ZKSCAN5: variants seen among roughly 807,000 people sequenced by gnomAD.
ZKSCAN5 encodes the protein zinc finger with KRAB and SCAN domains 5.
A neutral mutation model predicts 60.0 loss-of-function variants in ZKSCAN5; 28 were observed. That is an observed-to-expected ratio of 0.47 (90% CI 0.35 to 0.64). ZKSCAN5 has a LOEUF of 0.64. Among genes scored for constraint, ZKSCAN5 ranks in the 30% least tolerant of loss-of-function variants. ZKSCAN5 has a pLI of 0.01. For missense variants in ZKSCAN5, 881 were observed against 1,034.6 expected (o/e 0.85, Z 2.04); for synonymous variants, 361 against 371.2 (o/e 0.97, Z 0.31).
At chr7:99,528,851 C>T (rs1449980036) in intron 6 of ZKSCAN5, among the ~76,000 whole-genome samples, 2 of 152,170 alleles carry the variant, frequency 1.3e-5, no homozygotes, top group Non-Finnish European at 1.5e-5. Flanking sequence ...AGTCCATGCT[C>T]TCATGCAGCC....
chr7:99,529,746 T>G (rs1008885260), intron 6 of ZKSCAN5, among the ~76,000 whole-genome samples: 4 of 151,940 alleles, frequency 2.6e-5, no homozygotes, highest in African/African-American at 9.7e-5. Context: ...GACTTCTTTG[T>G]TTTTTTTGAG....
At chr7:99,521,784 A>G (rs950178768) in intron 5 of ZKSCAN5, among the ~76,000 whole-genome samples, 1 of 152,058 alleles carries the variant, frequency 6.6e-6, no homozygotes, top group African/African-American at 2.4e-5. Flanking sequence ...GATTAAATCA[A>G]TAATTTTATG....
intron 3 of ZKSCAN5, among the ~76,000 whole-genome samples, chr7:99,512,971 T>TC (rs1221287342): frequency 2.7e-5 from 2 of 75,104 alleles, no homozygotes; most frequent in African/African-American, 5.4e-5. Flanking sequence ...ATGCTATCCC[T>TC]CCCCCCTCCC....
rs553666815 is a variant in ZKSCAN5 at position 99,533,937 on chromosome 7, C to T, written c.*1688C>T. Reference sequence around the variant, plus strand: ...AGAGTGGATTGTGGAGTTGGTCACTCGCCAGGAGGGAGTGAAGACCCGCAT... The same window carrying T: ...AGAGTGGATTGTGGAGTTGGTCACTTGCCAGGAGGGAGTGAAGACCCGCAT... On this transcript the variant is annotated 3_prime_UTR_variant, in exon 7 of 7. Coordinates refer to ENST00000326775, the MANE Select transcript of ZKSCAN5 (RefSeq NM_145102.4). 3.8e-5 allele frequency: 10 copies of T among 261,406 alleles called. No homozygotes were observed. Among genetic ancestry groups the T allele is most frequent in the South Asian group, 3.5e-4 (2 of 5,792 alleles). The allele number at this position is 261,406 out of a possible 1,614,324, so 16.2% of individuals were successfully genotyped here.
intron 3 of ZKSCAN5, among the ~76,000 whole-genome samples, chr7:99,514,655 C>G (rs1801184604): frequency 6.6e-6 from 1 of 152,104 alleles, no homozygotes; most frequent in Non-Finnish European, 1.5e-5. Context: ...GCCTGTAATC[C>G]CAGCACTTTG....
At chr7:99,510,496 G>T (rs1329231838) in intron 2 of ZKSCAN5, among the ~76,000 whole-genome samples, 1 of 151,940 alleles carries the variant, frequency 6.6e-6, no homozygotes, top group Non-Finnish European at 1.5e-5. Flanking sequence ...CTAGGCTGGA[G>T]TGCAATGGCA....
At chr7:99,514,517 A>G (rs1225759695) in intron 3 of ZKSCAN5, among the ~76,000 whole-genome samples, 1 of 152,192 alleles carries the variant, frequency 6.6e-6, no homozygotes, top group Non-Finnish European at 1.5e-5. Context: ...CATGCCTGTA[A>G]TTCCAGCATT....
chr7:99,519,585 C>T (rs1044926608), intron 3 of ZKSCAN5, among the ~76,000 whole-genome samples: 2 of 152,060 alleles, frequency 1.3e-5, no homozygotes, highest in African/African-American at 2.4e-5. Context: ...TCACAGAATG[C>T]ATCCTTTATA....
intron 5 of ZKSCAN5, among the ~76,000 whole-genome samples, chr7:99,525,497 G>A (rs753908228): frequency 8.6e-5 from 13 of 150,768 alleles, no homozygotes; most frequent in South Asian, 8.4e-4. Context: ...ACGCGCGCGC[G>A]CACACACACA....
Position 99,533,818 on chromosome 7 carries a change from A to T in ZKSCAN5, c.*1569A>T, listed in dbSNP as rs1802154981. 2 of 393,598 alleles carry T rather than the reference A, an allele frequency of 5.1e-6. No individual in the cohort carries two copies. Among genetic ancestry groups the T allele is most frequent in the Admixed American group, 8.9e-5 (2 of 22,596 alleles). The allele number at this position is 393,598 out of a possible 1,614,324, so 24.4% of individuals were successfully genotyped here. A position where few individuals can be genotyped will look rare whatever the true frequency, so the allele number is the denominator to read the frequency against. The stretch of plus-strand genomic sequence containing the variant: ...CGTTTCCCAAATAAATCACACTGTC[A>T]ATCACATGGTTCTGAATCCCTGTCT... On this transcript the variant is annotated 3_prime_UTR_variant, in exon 7 of 7. Coordinates refer to ENST00000326775, the MANE Select transcript of ZKSCAN5 (RefSeq NM_145102.4).
At chr7:99,527,703 A>G (rs191304901) in intron 6 of ZKSCAN5, among the ~76,000 whole-genome samples, 9 of 151,286 alleles carry the variant, frequency 5.9e-5, no homozygotes, top group Admixed American at 5.9e-4. Flanking sequence ...TCTTTTTTTG[A>G]GACGGAGTTT....
intron 6 of ZKSCAN5, among the ~76,000 whole-genome samples, chr7:99,529,420 C>T (rs1456433183): frequency 6.6e-6 from 1 of 152,178 alleles, no homozygotes; most frequent in East Asian, 1.9e-4. Flanking sequence ...GGATTATAGG[C>T]ACGAGTCACC....
At position 99,531,287 on chromosome 7, in the gene ZKSCAN5, G is replaced by A. The variant is rs764253117; in HGVS notation, c.1558G>A (p.Glu520Lys). ...TAGAAAGCAGGGAATTCCCATGAAA[G>A]AGATACTAGGACAACCATCTTCAAA... The part of the protein sequence containing the change: ...LDRKQGIPMK[E>K]ILGQPSSKRM... Residue 520 changes from glutamate (E) to lysine (K), a missense_variant, in exon 7 of 7, where the codon GAG (glutamate) becomes AAG (lysine). Physicochemically the swap from Glu to Lys is moderately conservative, Grantham distance 56. This residue lies in a region of ZKSCAN5 where 490 missense variants were observed against 554.5 expected (regional missense o/e 0.88). Transcript: ENST00000326775. The A allele has an allele frequency of 6.2e-7, 1 of 1,614,146 alleles. No homozygotes were observed. Among genetic ancestry groups the A allele is most frequent in the South Asian group, 1.1e-5 (1 of 91,070 alleles).
chr7:99,521,432 G>A (rs190765729), intron 5 of ZKSCAN5, among the ~76,000 whole-genome samples: 1 of 152,136 alleles, frequency 6.6e-6, no homozygotes, highest in Non-Finnish European at 1.5e-5. Flanking sequence ...TCCTGACCTC[G>A]TGATCTGCCC....
At position 99,512,530 on chromosome 7, in the gene ZKSCAN5, C is replaced by G. The variant is rs1048394522; in HGVS notation, c.492C>G (p.Pro164=). 5.0e-6 allele frequency: 8 copies of G among 1,614,048 alleles called. No homozygotes were observed. In the African/African-American group the frequency reaches 8.0e-5, roughly 16 times the overall value. The part of the protein sequence containing the change: ...GAVQESCSPH[P]LTVDTQPEQA... ...TGCAGGAGTCCTGCAGCCCCCATCC[C>G]CTGACCGTGGACACCCAGCCTGAGC... is the stretch of plus-strand genomic sequence containing the variant. The change falls in exon 3 of 7, where the codon CCC becomes CCG. Residue 164 remains proline (P), a synonymous_variant. Coordinates refer to ENST00000326775, the MANE Select transcript of ZKSCAN5 (RefSeq NM_145102.4).
chr7:99,512,313 T>G, intron 2 of ZKSCAN5, 140 bp from the exon 3 acceptor site: 1 of 1,006,694 alleles, frequency 9.9e-7, no homozygotes, highest in Non-Finnish European at 1.4e-6. Flanking sequence ...ATTAAGTAAC[T>G]GCATAATCAG....
At chr7:99,517,099 CTT>C (rs1487583750) in intron 3 of ZKSCAN5, among the ~76,000 whole-genome samples, 1 of 152,116 alleles carries the variant, frequency 6.6e-6, no homozygotes, top group African/African-American at 2.4e-5. Context: ...GAGTTTTGCT[CTT>C]GTTACCCAGG....
intron 5 of ZKSCAN5, among the ~76,000 whole-genome samples, chr7:99,523,218 G>A (rs1801622586): frequency 6.8e-6 from 1 of 147,860 alleles, no homozygotes; most frequent in African/African-American, 2.5e-5. Flanking sequence ...GATGTTGGGA[G>A]ATCCCTGGAA....
chr7:99,524,224 C>T (rs1008147467), intron 5 of ZKSCAN5, among the ~76,000 whole-genome samples: 5 of 151,996 alleles, frequency 3.3e-5, no homozygotes, highest in Admixed American at 6.6e-5. Context: ...GTGTGTGCCA[C>T]GACGCCTGGC....
Sources: gnomAD v4.1 joint callset for allele counts (sites outside exome capture counted in the v4.1 genomes callset) on GRCh38, gnomAD v4.1.1 for gene constraint, gnomAD v4.1.1 regional missense constraint, MANE v1.5 for transcripts, NCBI Gene and HGNC (gene_info 2026-07-23, HGNC 2026-07-21) for gene names.